APBB1: variants seen among roughly 807,000 people sequenced by gnomAD.
APBB1 encodes the protein adaptor protein FE65a2.
APBB1 carries 22 observed loss-of-function variants against 78.4 expected under a neutral mutation model. The observed-to-expected ratio is 0.28, with a 90% confidence interval of 0.20 to 0.40. The LOEUF (loss-of-function observed/expected upper bound fraction) is 0.40, where lower values mean the gene tolerates loss of function less well. Ranked by LOEUF, APBB1 falls within the 10% of genes least tolerant of loss-of-function variation. APBB1 has a pLI of 1.00. For missense variants in APBB1, 749 were observed against 932.4 expected, an observed-to-expected ratio of 0.80 and a Z score of 2.56; for synonymous variants, 369 against 372.7, an observed-to-expected ratio of 0.99 and a Z score of 0.12.
intron 12 of APBB1, among the ~76,000 whole-genome samples, chr11:6,396,967 G>A (rs1341491762): frequency 6.6e-6 from 1 of 152,244 alleles, no homozygotes; most frequent in Non-Finnish European, 1.5e-5. Context: ...CAAGGTTCCT[G>A]ACTTTCAGAT....
Position 6,403,697 on chromosome 11 carries a change from G to A in APBB1, c.847C>T (p.Pro283Ser). The change falls in exon 3 of 15, where the codon CCC becomes TCC. Residue 283 changes from proline (P) to serine (S), a missense_variant. Transcript: ENST00000609360. This position sits in a 1 kb window ranked among gnomAD's most constrained non-coding sequence, Gnocchi z 5.3. ...CCCTGTGAGGGGGAGGCCCGGCCGG[G>A]GGGTTCCCACTGGGTGGTCCCTGTT... is the stretch of plus-strand genomic sequence containing the variant. ...IPTGTTQWEP[P>S]GRASPSQGSS... 2 of 1,609,492 alleles carry A rather than the reference G, an allele frequency of 1.2e-6. No individual in the cohort carries two copies. Among genetic ancestry groups the A allele is most frequent in the East Asian group, 2.2e-5 (1 of 44,774 alleles).
chr11:6,401,926 T>C lies in APBB1; in HGVS notation c.1388+51A>G. On this transcript the variant is annotated intron_variant, in intron 9 of 14. Transcript: ENST00000609360. This position sits in a 1 kb window ranked among gnomAD's most constrained non-coding sequence, Gnocchi z 4.5. ...GCAGGGCAGAAGAGGGGAGCTTGGGTGCTTCCAGGCATCTGGTCCAGGTGT... is the reference window on the plus strand; with the variant it reads ...GCAGGGCAGAAGAGGGGAGCTTGGGCGCTTCCAGGCATCTGGTCCAGGTGT... The C allele has an allele frequency of 1.9e-6, 3 of 1,551,342 alleles. No individual in the cohort carries two copies. Among genetic ancestry groups the C allele is most frequent in the Non-Finnish European group, 2.6e-6 (3 of 1,151,686 alleles).
In APBB1 at chr11:6,402,087, A is replaced by G. The variant is rs1425250797; in HGVS notation, c.1377T>C (p.Ser459=). Residue 459 remains serine (S), a synonymous_variant, in exon 8 of 15, where the codon AGT becomes AGC. Coordinates refer to ENST00000609360, the MANE Select transcript of APBB1 (RefSeq NM_001164.5). The part of the protein sequence containing the change: ...SIRVWGVGRD[S]GRERDFAYVA... ...ATCCCAAGCCCTATTCCCACCTTCCACTGTCCCGCCCGACGCCCCACACGC... is the reference window on the plus strand; with the variant it reads ...ATCCCAAGCCCTATTCCCACCTTCCGCTGTCCCGCCCGACGCCCCACACGC... 3 of 1,613,768 alleles carry G rather than the reference A, an allele frequency of 1.9e-6. No homozygotes were observed. The highest frequency in any genetic ancestry group is 2.7e-5 in the African/African-American group (2 of 74,880).
intron 1 of APBB1, among the ~76,000 whole-genome samples, chr11:6,413,038 C>G (rs985679786): frequency 6.6e-6 from 1 of 152,078 alleles, no homozygotes; most frequent in South Asian, 2.1e-4. Flanking sequence ...ATCCTCCCCA[C>G]TCTCCCTGAC....
Position 6,401,385 on chromosome 11 carries a change from G to A in APBB1, c.1548C>T (p.Leu516=), listed in dbSNP as rs367723592. 2 of 1,614,038 alleles carry A rather than the reference G, an allele frequency of 1.2e-6. No individual in the cohort carries two copies. Among genetic ancestry groups the A allele is most frequent in the African/African-American group, 1.3e-5 (1 of 74,912 alleles). The change falls in exon 11 of 15, where the codon CTC becomes CTT. Residue 516 remains leucine (L), a synonymous_variant. Coordinates refer to ENST00000609360, the MANE Select transcript of APBB1 (RefSeq NM_001164.5). This position sits in a 1 kb window ranked among gnomAD's most constrained non-coding sequence, Gnocchi z 4.5. ...CCACAAGTTTAGAGTGGTCCAGGGAGAGTCCATTTACCAAGCAGCGGGCAT... is the reference window on the plus strand; with the variant it reads ...CCACAAGTTTAGAGTGGTCCAGGGAAAGTCCATTTACCAAGCAGCGGGCAT... ...RRNARCLVNG[L]SLDHSKLVDV...
At position 6,395,737 on chromosome 11, in the gene APBB1, A is replaced by G. The variant is rs1848176514; in HGVS notation, c.1966-36T>C. The G allele has an allele frequency of 2.5e-6, 4 of 1,600,864 alleles. No homozygotes were observed. The East Asian group carries it at 6.7e-5, about 27-fold the overall frequency. On this transcript the variant is annotated intron_variant, in intron 14 of 14. Transcript: ENST00000609360. The surrounding 1 kb of genome is among the most constrained non-coding windows in gnomAD (Gnocchi z 5.2). ...AAGCAGGGCAGTCACTCCCCAGCCT[A>G]CCTCCCATGGGGCCACGCCACCACC...
chr11:6,413,544 G>A (rs192143664), intron 1 of APBB1, among the ~76,000 whole-genome samples: 25 of 152,254 alleles, frequency 1.6e-4, no homozygotes, highest in Admixed American at 6.5e-4. Context: ...GCAATGGCAC[G>A]ATCTCAGCTC....
intron 1 of APBB1, among the ~76,000 whole-genome samples, chr11:6,416,374 C>A (rs1054187939): frequency 2.0e-5 from 3 of 152,186 alleles, no homozygotes; most frequent in African/African-American, 7.2e-5. Context: ...ATGCCCACAG[C>A]TTCAGTTATA....
In APBB1 at chr11:6,395,251, C is replaced by G. The variant is rs2134027803; in HGVS notation, c.*283G>C. ...CCTGCTGGGTCCAGGAGGATGAGGC[C>G]TGGCCTGGACCAGTTCCTCCTGTTC... On this transcript the variant is annotated 3_prime_UTR_variant, in exon 15 of 15. Coordinates refer to ENST00000609360, the MANE Select transcript of APBB1 (RefSeq NM_001164.5). This position sits in a 1 kb window ranked among gnomAD's most constrained non-coding sequence, Gnocchi z 5.2. The G allele has an allele frequency of 2.9e-6, 1 of 345,138 alleles. No homozygotes were observed. The highest frequency in any genetic ancestry group is 4.7e-5 in the East Asian group (1 of 21,222). The allele number at this position is 345,138 out of a possible 1,614,324, so 21.4% of individuals were successfully genotyped here.
chr11:6,409,771 T>C (rs1848912588), intron 2 of APBB1, among the ~76,000 whole-genome samples: 1 of 146,414 alleles, frequency 6.8e-6, no homozygotes, highest in African/African-American at 2.8e-5. Context: ...CAGCTTTTCC[T>C]GTATTCGCTA....
chr11:6,415,478 A>G (rs1013680115), intron 1 of APBB1, among the ~76,000 whole-genome samples: 3 of 152,222 alleles, frequency 2.0e-5, no homozygotes, highest in African/African-American at 4.8e-5. Context: ...TGTAACACCA[A>G]CATCTAGAAC....
rs753615346 is a variant in APBB1, at chr11:6,401,672, C to T, written c.1405G>A (p.Ala469Thr). 6.2e-7 allele frequency: 1 copy of T among 1,614,168 alleles called. No homozygotes were observed. The highest frequency in any genetic ancestry group is 2.2e-5 in the East Asian group (1 of 44,878). ...AGCATCTGGGTCAGCTTATCACGAG[C>T]TACGTAGGCAAAGTCCCTGTTGGGG... The part of the protein sequence containing the change: ...SGRERDFAYV[A>T]RDKLTQMLKC... Residue 469 changes from alanine to threonine, a missense_variant, in exon 10 of 15, where the codon GCT becomes ACT. Around this residue, in one of 3 missense-constraint regions of APBB1, gnomAD observed 635 missense variants for 765.0 expected, o/e 0.83. Transcript: ENST00000609360. The surrounding 1 kb of genome is among the most constrained non-coding windows in gnomAD (Gnocchi z 4.5).
In APBB1 at chr11:6,404,577, A is replaced by G. The variant is rs1177520000; in HGVS notation, c.722-755T>C. Reference sequence around the variant, plus strand: ...CTGACCCTTGCTGCACACAGATGCAAGCAAACATGTCATGCACATACACAC... The same window carrying G: ...CTGACCCTTGCTGCACACAGATGCAGGCAAACATGTCATGCACATACACAC... On this transcript the variant is annotated intron_variant, in intron 2 of 14. Transcript: ENST00000609360. The G allele has an allele frequency of 2.0e-6, 3 of 1,535,678 alleles. No individual in the cohort carries two copies. The African/African-American group carries it at 4.1e-5, about 21-fold the overall frequency.
At position 6,403,402 on chromosome 11, in the gene APBB1, A is replaced by T. The variant is rs1265992683; in HGVS notation, c.957T>A (p.Asp319Glu). Residue 319 changes from aspartate (D) to glutamate (E), a missense_variant and splice_region_variant, in exon 5 of 15, where the codon GAT becomes GAA. Physicochemically the swap from Asp to Glu is conservative, Grantham distance 45. Transcript: ENST00000609360. This position sits in a 1 kb window ranked among gnomAD's most constrained non-coding sequence, Gnocchi z 5.3. ...CCATTGGGGCCTCATCACTGGGTTCATCCTTGGGAAGGGGATTGAGGAATC... is the reference window on the plus strand; with the variant it reads ...CCATTGGGGCCTCATCACTGGGTTCTTCCTTGGGAAGGGGATTGAGGAATC... ...EGFEDGEFWK[D>E]EPSDEAPMEL... The T allele has an allele frequency of 3.1e-6, 5 of 1,614,038 alleles. No individual in the cohort carries two copies. The highest frequency in any genetic ancestry group is 1.3e-5 in the African/African-American group (1 of 74,914).
chr11:6,411,297 G>A lies in APBB1; in HGVS notation c.51C>T (p.His17=), dbSNP rs769578645. 30 of 1,564,746 alleles carry A rather than the reference G, an allele frequency of 1.9e-5. No homozygotes were observed. Among genetic ancestry groups the A allele is most frequent in the Admixed American group, 5.7e-5 (3 of 52,534 alleles). The change falls in exon 2 of 15, where the codon CAC becomes CAT. Residue 17 remains histidine, a synonymous_variant. Coordinates refer to ENST00000609360, the MANE Select transcript of APBB1 (RefSeq NM_001164.5). The surrounding 1 kb of genome is among the most constrained non-coding windows in gnomAD (Gnocchi z 5.2). ...GGGGTAGGCTCAGTGCGGGGCCTCC[G>A]TGGCTGTTGGCATTAATGGCCGACT... is the stretch of plus-strand genomic sequence containing the variant. ...LSQSAINANS[H]GGPALSLPLP... is the part of the protein sequence containing the mutation.
At position 6,403,756 on chromosome 11, in the gene APBB1, T is replaced by C. The variant is rs1848661244; in HGVS notation, c.788A>G (p.Gln263Arg). Reference sequence around the variant, plus strand: ...CCAGTAATAGGTCCCTGAGGTGTCCTGGACCCTCATCCATCCAGCCGGCAG... The same window carrying C: ...CCAGTAATAGGTCCCTGAGGTGTCCCGGACCCTCATCCATCCAGCCGGCAG... ...SDLPAGWMRV[Q>R]DTSGTYYWHI... Residue 263 changes from glutamine (Q) to arginine (R), a missense_variant, in exon 3 of 15, where the codon CAG becomes CGG. Physicochemically the swap from Gln to Arg is conservative, Grantham distance 43. This residue lies in a region of APBB1 where 635 missense variants were observed against 765.0 expected (regional missense o/e 0.83). Coordinates refer to ENST00000609360, the MANE Select transcript of APBB1 (RefSeq NM_001164.5). The surrounding 1 kb of genome is among the most constrained non-coding windows in gnomAD (Gnocchi z 5.3). The C allele has an allele frequency of 1.2e-6, 2 of 1,600,680 alleles. No individual in the cohort carries two copies. The highest frequency in any genetic ancestry group is 2.2e-5 in the East Asian group (1 of 44,570).
chr11:6,402,359 G>T, intron 7 of APBB1, 150 bp from the exon 8 acceptor site: 1 of 1,204,840 alleles, frequency 8.3e-7, no homozygotes, highest in Non-Finnish European at 1.2e-6. Context: ...TCTAGTGGAG[G>T]TCACGTGTCA....
In APBB1 at chr11:6,396,082, T is replaced by G. The variant is rs1848201451; in HGVS notation, c.1788+18A>C. The G allele has an allele frequency of 1.9e-6, 3 of 1,584,360 alleles. No homozygotes were observed. The highest frequency in any genetic ancestry group is 1.1e-5 in the South Asian group (1 of 88,194). On this transcript the variant is annotated intron_variant, in intron 13 of 14. Transcript: ENST00000609360. ...TCTATGGCAAGGCGCAGCCACGACT[T>G]CTACCCCAGCTCTTTACCTGCTGGT...
At chr11:6,419,300 C>G (rs997177804), upstream of APBB1, 5 of 268,060 alleles carry the variant, frequency 1.9e-5, 1 homozygote, top group East Asian at 2.7e-4. Flanking sequence ...CCCTGGGACC[C>G]CCGCCTAGCG....
Sources: gnomAD v4.1 joint callset for allele counts (sites outside exome capture counted in the v4.1 genomes callset) on GRCh38, gnomAD v4.1.1 for gene constraint, gnomAD v4.1.1 regional missense constraint, Gnocchi (gnomAD v3.1) non-coding constraint, MANE v1.5 for transcripts, NCBI Gene and HGNC (gene_info 2026-07-23, HGNC 2026-07-21) for gene names.